Variants in ANK2 observed in about 807,000 individuals in gnomAD.
ANK2 encodes ankyrin 2.
In ANK2, 83 loss-of-function variants were observed where a neutral mutation model predicts 360.5. That is an observed-to-expected ratio of 0.23 (90% CI 0.19 to 0.28). The LOEUF (loss-of-function observed/expected upper bound fraction) is 0.28, where lower values mean the gene tolerates loss of function less well. Among genes scored for constraint, ANK2 ranks in the 10% least tolerant of loss-of-function variants. The probability of loss-of-function intolerance (pLI) is 1.00; values close to 1 mark genes in which losing one functional copy is unlikely to be tolerated. For missense variants in ANK2, 4,201 were observed against 4,795.7 expected (o/e 0.88, Z 3.66); for synonymous variants, 1,740 against 1,759.5 (o/e 0.99, Z 0.28).
intron 1 of ANK2, among the ~76,000 whole-genome samples, chr4:113,067,413 G>A (rs1224423378): frequency 6.6e-6 from 1 of 152,116 alleles, no homozygotes; most frequent in East Asian, 1.9e-4. Flanking sequence ...CCTAGCTAAT[G>A]GTAAAGGAGG....
intron 1 of ANK2, chr4:113,070,040 C>T (rs2077000187): frequency 6.6e-6 from 1 of 152,178 alleles, no homozygotes; most frequent in Non-Finnish European, 1.5e-5. Flanking sequence ...AGAGTTGGTC[C>T]ACAGTGAAAA....
At chr4:112,900,084 A>G (rs1323466223) in intron 1 of ANK2, among the ~76,000 whole-genome samples, 1 of 152,174 alleles carries the variant, frequency 6.6e-6, no homozygotes, top group African/African-American at 2.4e-5. Flanking sequence ...TGTCTCATGT[A>G]TCCACTTAGC....
At chr4:113,080,411 G>C (rs989923105) in intron 1 of ANK2, among the ~76,000 whole-genome samples, 16 of 152,014 alleles carry the variant, frequency 1.1e-4, no homozygotes, top group African/African-American at 3.9e-4. Flanking sequence ...TTCTTAGAAC[G>C]GTTTATCATT....
chr4:113,077,350 A>AT (rs1441934867), intron 1 of ANK2, among the ~76,000 whole-genome samples: 1 of 152,162 alleles, frequency 6.6e-6, no homozygotes, highest in African/African-American at 2.4e-5. Context: ...TGAATATTAA[A>AT]TTGTAGGTGG....
At chr4:113,324,702 G>A (rs2088753620) in intron 26 of ANK2, among the ~76,000 whole-genome samples, 1 of 152,280 alleles carries the variant, frequency 6.6e-6, no homozygotes, top group East Asian at 1.9e-4. Flanking sequence ...AGAGGAGAAA[G>A]AGCTCATGCA....
chr4:112,854,051 AG>A (rs1461918762), intron 1 of ANK2, among the ~76,000 whole-genome samples: 1 of 152,202 alleles, frequency 6.6e-6, no homozygotes, highest in Admixed American at 6.5e-5. Flanking sequence ...TAAGAAAATA[AG>A]GACAATAGTG....
At chr4:113,193,309 G>T (rs958471648) in intron 2 of ANK2, among the ~76,000 whole-genome samples, 2 of 152,174 alleles carry the variant, frequency 1.3e-5, no homozygotes, top group African/African-American at 4.8e-5. Flanking sequence ...AACCTGTGGA[G>T]ACCAGCCAAG....
At position 113,357,363 on chromosome 4, in the gene ANK2, G is replaced by A; in HGVS notation, c.8745G>A (p.Glu2915=). The part of the protein sequence containing the change: ...SMDVPVSDLA[E]NDEIYDPQIT... ...ATGTTCCCGTGTCTGACCTAGCTGAGAATGATGAAATCTATGATCCACAAA... is the reference window on the plus strand; with the variant it reads ...ATGTTCCCGTGTCTGACCTAGCTGAAAATGATGAAATCTATGATCCACAAA... The change falls in exon 38 of 46, where the codon GAG becomes GAA. Residue 2915 remains glutamate, a synonymous_variant. Transcript: ENST00000357077. 2 of 1,614,048 alleles carry A rather than the reference G, an allele frequency of 1.2e-6. No individual in the cohort carries two copies. Among genetic ancestry groups the A allele is most frequent in the Non-Finnish European group, 1.7e-6 (2 of 1,179,988 alleles).
At chr4:113,252,612 C>T (rs1355585891) in intron 10 of ANK2, among the ~76,000 whole-genome samples, 1 of 152,106 alleles carries the variant, frequency 6.6e-6, no homozygotes, top group African/African-American at 2.4e-5. Context: ...CTTGCCAGCC[C>T]CTCCTATGTT....
intron 4 of ANK2, among the ~76,000 whole-genome samples, chr4:113,200,023 T>C (rs1432309593): frequency 1.3e-5 from 2 of 152,210 alleles, no homozygotes; most frequent in Non-Finnish European, 2.9e-5. Context: ...AATGGTTAAA[T>C]CAGCCCTATT....
At position 113,356,154 on chromosome 4, in the gene ANK2, C is replaced by A; in HGVS notation, c.7536C>A (p.Asp2512Glu). 3.1e-6 allele frequency: 5 copies of A among 1,614,068 alleles called. No individual in the cohort carries two copies. The highest frequency in any genetic ancestry group is 4.2e-6 in the Non-Finnish European group (5 of 1,179,988). Reference protein sequence around the residue: ...VASVRSRLLRDPDGSAEDDSL... With the variant: ...VASVRSRLLREPDGSAEDDSL... The stretch of plus-strand genomic sequence containing the variant: ...CTGTGCGGTCCCGGCTACTCCGAGA[C>A]CCTGATGGCAGTGCTGAGGATGACA... The change falls in exon 38 of 46, where the codon GAC becomes GAA. Residue 2512 changes from aspartate to glutamate, a missense_variant. Transcript: ENST00000357077.
intron 23 of ANK2, among the ~76,000 whole-genome samples, chr4:113,307,134 T>A (rs2077575225): frequency 6.6e-6 from 1 of 152,176 alleles, no homozygotes; most frequent in East Asian, 1.9e-4. Flanking sequence ...CTTGTCCATA[T>A]ATCTCTGCTA....
At chr4:113,247,908 C>G (rs931979450) in intron 9 of ANK2, among the ~76,000 whole-genome samples, 1 of 152,218 alleles carries the variant, frequency 6.6e-6, no homozygotes, top group Non-Finnish European at 1.5e-5. Flanking sequence ...GCAACTAATG[C>G]TCTGTAGTTC....
intron 2 of ANK2, among the ~76,000 whole-genome samples, chr4:113,028,578 G>T (rs970108810): frequency 3.3e-5 from 5 of 152,116 alleles, no homozygotes; most frequent in Non-Finnish European, 7.4e-5. Context: ...TGGAACAAAG[G>T]AGTAAAAGCC....
At chr4:113,287,549 T>C (rs2065298097) in intron 18 of ANK2, 56 bp from the exon 19 acceptor site, 1 of 1,239,016 alleles carries the variant, frequency 8.1e-7, no homozygotes, top group Middle Eastern at 1.9e-4. Flanking sequence ...ATATTATAGA[T>C]GATGCAATGT....
chr4:113,154,971 T>G (rs1042524715), intron 1 of ANK2, among the ~76,000 whole-genome samples: 2 of 152,168 alleles, frequency 1.3e-5, no homozygotes, highest in Non-Finnish European at 2.9e-5. Context: ...ACCAGATCTA[T>G]TCTACCCAGG....
intron 2 of ANK2, among the ~76,000 whole-genome samples, chr4:112,995,958 C>A (rs2048359017): frequency 6.6e-6 from 1 of 152,152 alleles, no homozygotes; most frequent in African/African-American, 2.4e-5. Context: ...TAAACATGTG[C>A]ATACCATGCC....
chr4:112,763,068 A>T, the ANK2 span, among the ~76,000 whole-genome samples: 1 of 152,222 alleles, frequency 6.6e-6, no homozygotes, highest in African/African-American at 2.4e-5. Context: ...TCCTAGAAGC[A>T]TTGTTGGAAC....
chr4:112,889,492 A>G (rs1248712902), intron 1 of ANK2, among the ~76,000 whole-genome samples: 3 of 152,046 alleles, frequency 2.0e-5, no homozygotes, highest in Admixed American at 6.5e-5. Context: ...CATTTTCTCC[A>G]CTTTATTTTA....
Sources: gnomAD v4.1 joint callset for allele counts (sites outside exome capture counted in the v4.1 genomes callset) on GRCh38, gnomAD v4.1.1 for gene constraint, MANE v1.5 for transcripts, NCBI Gene and HGNC (gene_info 2026-07-23, HGNC 2026-07-21) for gene names.